The following TENM3 variants were observed in gnomAD, a reference collection of about 807,000 sequenced individuals.
TENM3 encodes the protein teneurin-3.
In TENM3, 63 loss-of-function variants were observed where a neutral mutation model predicts 255.1. That is an observed-to-expected ratio of 0.25 (90% CI 0.20 to 0.30). TENM3 has a LOEUF of 0.30. Ranked by LOEUF, TENM3 falls within the 10% of genes least tolerant of loss-of-function variation. The pLI is 1.00. For missense variants in TENM3, 2,929 were observed against 3,461.1 expected (o/e 0.85, Z 3.86); for synonymous variants, 1,306 against 1,322.3 (o/e 0.99, Z 0.27).
chr4:181,494,285 C>T, the TENM3 span, among the ~76,000 whole-genome samples: 2 of 152,032 alleles, frequency 1.3e-5, no homozygotes, highest in African/African-American at 2.4e-5. Flanking sequence ...TGCCAAAGTC[C>T]GTTGGCTTCT....
chr4:181,500,387 G>T, the TENM3 span, among the ~76,000 whole-genome samples: 2 of 151,984 alleles, frequency 1.3e-5, 1 homozygote, highest in Non-Finnish European at 2.9e-5. Flanking sequence ...CTGACCGGGG[G>T]ATCGGGGGTG....
At chr4:181,743,693 C>T in the TENM3 span, among the ~76,000 whole-genome samples, 1 of 152,054 alleles carries the variant, frequency 6.6e-6, no homozygotes, top group South Asian at 2.1e-4. Context: ...AAGGGGGGGC[C>T]ACACATAAAT....
chr4:182,685,796 A>G (rs1756525323), intron 11 of TENM3, among the ~76,000 whole-genome samples: 1 of 152,212 alleles, frequency 6.6e-6, no homozygotes, highest in South Asian at 2.1e-4. Context: ...AACAAGCACA[A>G]TAGCCCCTTT....
the TENM3 span, among the ~76,000 whole-genome samples, chr4:181,781,861 C>T: frequency 6.6e-6 from 1 of 152,098 alleles, no homozygotes; most frequent in Non-Finnish European, 1.5e-5. Context: ...GCCTTTTCTG[C>T]GTCTATTGAG....
At chr4:181,951,606 A>G in the TENM3 span, among the ~76,000 whole-genome samples, 96 of 152,344 alleles carry the variant, frequency 6.3e-4, no homozygotes, top group Non-Finnish European at 1.2e-3. Context: ...TGCTTTATCT[A>G]CAGTACCCAG....
chr4:182,433,687 A>C (rs1351293590), intron 3 of TENM3, among the ~76,000 whole-genome samples: 1 of 152,222 alleles, frequency 6.6e-6, no homozygotes, highest in African/African-American at 2.4e-5. Context: ...TGAGGATTTG[A>C]ACATGGGAGG....
At chr4:181,991,796 G>C in the TENM3 span, among the ~76,000 whole-genome samples, 1 of 152,146 alleles carries the variant, frequency 6.6e-6, no homozygotes, top group Admixed American at 6.6e-5. Flanking sequence ...TACTGCAGTG[G>C]AAAGAGAGGA....
the TENM3 span, among the ~76,000 whole-genome samples, chr4:182,078,077 A>G: frequency 1.5e-4 from 23 of 152,266 alleles, no homozygotes; most frequent in Middle Eastern, 3.4e-3. Flanking sequence ...AAATAAATAC[A>G]TAAATAAATA....
At chr4:182,621,720 TTA>T (rs1351273707) in intron 4 of TENM3, among the ~76,000 whole-genome samples, 13 of 57,666 alleles carry the variant, frequency 2.3e-4, no homozygotes, top group African/African-American at 7.8e-4. Flanking sequence ...ATAATATATA[TTA>T]TATATAAAAT....
chr4:182,524,840 CAA>C (rs11354238), intron 3 of TENM3, among the ~76,000 whole-genome samples: 148 of 122,870 alleles, frequency 1.2e-3, no homozygotes, highest in Middle Eastern at 4.1e-3. Context: ...TCTGTCTCTA[CAA>C]AAAAAAAAAA....
intron 13 of TENM3, among the ~76,000 whole-genome samples, chr4:182,720,282 A>T (rs1366312903): frequency 6.6e-6 from 1 of 151,006 alleles, no homozygotes; most frequent in Non-Finnish European, 1.5e-5. Flanking sequence ...TGGGACTATT[A>T]TGTTCTCTAA....
At chr4:181,882,655 C>A in the TENM3 span, among the ~76,000 whole-genome samples, 1 of 152,184 alleles carries the variant, frequency 6.6e-6, no homozygotes, top group African/African-American at 2.4e-5. Flanking sequence ...GGATTAAAAC[C>A]AGTTACTCCT....
chr4:182,213,508 G>A (rs945350456), intron 1 of TENM3, among the ~76,000 whole-genome samples: 4 of 152,256 alleles, frequency 2.6e-5, no homozygotes, highest in African/African-American at 7.2e-5. Context: ...AAATGTGGTT[G>A]TTTCAAATGT....
At chr4:181,755,349 G>A in the TENM3 span, among the ~76,000 whole-genome samples, 3 of 150,914 alleles carry the variant, frequency 2.0e-5, no homozygotes, top group South Asian at 2.1e-4. Context: ...TTCCTTTTTT[G>A]TACTCACTTT....
chr4:182,424,352 G>A (rs1771050718), intron 3 of TENM3, among the ~76,000 whole-genome samples: 1 of 151,982 alleles, frequency 6.6e-6, no homozygotes, highest in African/African-American at 2.4e-5. Context: ...TTTGCATTTT[G>A]ATCTTTCCCA....
At chr4:181,959,733 A>G in the TENM3 span, among the ~76,000 whole-genome samples, 2 of 152,194 alleles carry the variant, frequency 1.3e-5, no homozygotes, top group South Asian at 2.1e-4. Flanking sequence ...TTGGTGATGT[A>G]TTTTCATTTA....
chr4:182,026,759 T>C, the TENM3 span, among the ~76,000 whole-genome samples: 4 of 152,100 alleles, frequency 2.6e-5, no homozygotes, highest in African/African-American at 9.7e-5. Context: ...TGGTTGAAAA[T>C]GGTTTACTGG....
At chr4:182,201,350 T>C (rs1476683756) in intron 1 of TENM3, among the ~76,000 whole-genome samples, 2 of 152,102 alleles carry the variant, frequency 1.3e-5, no homozygotes, top group African/African-American at 2.4e-5. Context: ...CTGATAACAG[T>C]GGAGCTGAAT....
intron 1 of TENM3, among the ~76,000 whole-genome samples, chr4:182,306,829 C>A (rs1416063103): frequency 6.6e-6 from 1 of 152,138 alleles, no homozygotes; most frequent in African/African-American, 2.4e-5. Flanking sequence ...TGTTGCCAAA[C>A]TGTAATAAGC....
Sources: gnomAD v4.1 joint callset for allele counts (sites outside exome capture counted in the v4.1 genomes callset) on GRCh38, gnomAD v4.1.1 for gene constraint, MANE v1.5 for transcripts, NCBI Gene and HGNC (gene_info 2026-07-23, HGNC 2026-07-21) for gene names.